PASD1: variants seen among roughly 807,000 people sequenced by gnomAD.
PASD1 encodes PAS domain containing repressor 1.
In PASD1, 13 loss-of-function variants were observed where a neutral mutation model predicts 58.8. The observed-to-expected ratio is 0.22, with a 90% CI of 0.14 to 0.35. The LOEUF (loss-of-function observed/expected upper bound fraction) is 0.35, where lower values mean the gene tolerates loss of function less well. Ranked by LOEUF, PASD1 falls within the 10% of genes least tolerant of loss-of-function variation. The pLI is 1.00. For synonymous variants in PASD1, 236 were observed against 216.7 expected (o/e 1.09, Z -0.78); for missense variants, 734 against 568.3 (o/e 1.29, Z -2.96).
At position 151,580,796 on chromosome X, in the gene PASD1, C is replaced by T. The variant is rs180812796; in HGVS notation, c.-28+16957C>T. Among the ~76,000 whole-genome samples the T allele has an allele frequency of 5.4e-5, 6 of 110,321 alleles. No homozygotes were observed. In the East Asian group the frequency reaches 1.7e-3, roughly 31 times the overall value. On this transcript the variant is annotated intron_variant, in intron 1 of 15. Transcript: ENST00000370357. ...ACTCTGGCTACCATAACCCTTTGTG[C>T]ATATATATCAAGGTAGTGAGTTTTT...
chrX:151,668,153 A>T (rs2014409906), intron 11 of PASD1, among the ~76,000 whole-genome samples: 1 of 110,948 alleles, frequency 9.0e-6, no homozygotes, highest in Admixed American at 9.6e-5. Flanking sequence ...TGTCATAGAT[A>T]GCTGTTATCA....
chrX:151,651,609 A>C (rs1004978906), intron 9 of PASD1, among the ~76,000 whole-genome samples: 1 of 112,241 alleles, frequency 8.9e-6, no homozygotes, highest in African/African-American at 3.2e-5. Flanking sequence ...TATACCTACT[A>C]TGGTAGGCAT....
At chrX:151,635,809 C>G (rs2013923740) in intron 8 of PASD1, among the ~76,000 whole-genome samples, 1 of 110,857 alleles carries the variant, frequency 9.0e-6, no homozygotes, top group African/African-American at 3.3e-5. Flanking sequence ...CAGTGTACAT[C>G]ATGGTGGCTA....
At chrX:151,672,744 A>G in intron 14 of PASD1, 83 bp downstream of exon 14, 3 of 1,154,673 alleles carry the variant, frequency 2.6e-6, no homozygotes, top group Non-Finnish European at 3.5e-6. Context: ...GATCACAGAC[A>G]GACGACCTAT....
At chrX:151,615,690 T>C (rs905232318) in intron 4 of PASD1, among the ~76,000 whole-genome samples, 7 of 111,994 alleles carry the variant, frequency 6.3e-5, no homozygotes, top group African/African-American at 2.3e-4. Flanking sequence ...TTTCATTACA[T>C]ATCAGGGCAC....
intron 9 of PASD1, among the ~76,000 whole-genome samples, chrX:151,650,835 A>G (rs2014119941): frequency 8.9e-6 from 1 of 111,776 alleles, no homozygotes; most frequent in Admixed American, 9.5e-5. Context: ...CACATTGCAG[A>G]GAGGGAGAAC....
At chrX:151,634,451 A>G (rs779523126) in intron 8 of PASD1, among the ~76,000 whole-genome samples, 1 of 111,594 alleles carries the variant, frequency 9.0e-6, no homozygotes, top group Non-Finnish European at 1.9e-5. Context: ...ATTATCATCT[A>G]TTCCACAGTC....
chrX:151,662,764 T>C (rs1233468268), intron 10 of PASD1, among the ~76,000 whole-genome samples: 1 of 112,371 alleles, frequency 8.9e-6, no homozygotes, highest in Non-Finnish European at 1.9e-5. Context: ...TCATTATCTA[T>C]GGTATATTTA....
At chrX:151,625,576 T>A (rs1483138056) in intron 8 of PASD1, 46 bp downstream of exon 8, 1 of 973,365 alleles carries the variant, frequency 1.0e-6, no homozygotes, top group Non-Finnish European at 1.4e-6. Context: ...AGAATTCAAT[T>A]TTACTAAACG....
intron 10 of PASD1, among the ~76,000 whole-genome samples, chrX:151,661,268 C>T (rs913411951): frequency 1.8e-5 from 2 of 111,904 alleles, no homozygotes; most frequent in Non-Finnish European, 3.8e-5. Flanking sequence ...ATCCAGAAAC[C>T]AGAATTTTTC....
intron 1 of PASD1, among the ~76,000 whole-genome samples, chrX:151,570,188 G>T (rs754994238): frequency 2.7e-5 from 3 of 111,283 alleles, no homozygotes; most frequent in African/African-American, 9.8e-5. Context: ...TTAGGATTCT[G>T]TTCCTCTTCT....
At position 151,672,653 on chromosome X, in the gene PASD1, G is replaced by C; in HGVS notation, c.1908G>C (p.Glu636Asp). Reference protein sequence around the residue: ...QDENCGQQEDESQSFYPEAYQ... With the variant: ...QDENCGQQEDDSQSFYPEAYQ... ...AAAACTGTGGGCAACAGGAAGATGA[G>C]AGTCAAAGGTAAGACATGCATGGAA... The change falls in exon 14 of 16, where the codon GAG (glutamate) becomes GAC (aspartate). Residue 636 changes from glutamate (E) to aspartate (D), a missense_variant. Transcript: ENST00000370357. The C allele has an allele frequency of 8.3e-7, 1 of 1,211,445 alleles. No homozygotes were observed. Among genetic ancestry groups the C allele is most frequent in the Non-Finnish European group, 1.1e-6 (1 of 895,274 alleles).
Position 151,659,774 on chromosome X carries a change from T to A in PASD1, c.779T>A (p.Val260Glu). The change falls in exon 10 of 16, where the codon GTA (valine) becomes GAA (glutamate). Residue 260 changes from valine (V) to glutamate (E), a missense_variant. Transcript: ENST00000370357. Reference protein sequence around the residue: ...YGPQENVHMFVDSDSTYCSST... With the variant: ...YGPQENVHMFEDSDSTYCSST... ...CCACAAGAAAACGTTCACATGTTTG[T>A]AGATTCTGATTCAACTTATTGCTCC... 2 of 1,202,484 alleles carry A rather than the reference T, an allele frequency of 1.7e-6. No individual in the cohort carries two copies. The highest frequency in any genetic ancestry group is 2.3e-6 in the Non-Finnish European group (2 of 887,073).
intron 2 of PASD1, 76 bp from the exon 3 acceptor site, chrX:151,604,570 C>A: frequency 2.8e-6 from 2 of 712,370 alleles, no homozygotes; most frequent in Non-Finnish European, 4.2e-6. Flanking sequence ...TTAAGTATAA[C>A]TTTGAAAAAT....
intron 3 of PASD1, 137 bp from the exon 4 acceptor site, chrX:151,611,527 C>G (rs1021598066): frequency 5.0e-6 from 2 of 399,493 alleles, no homozygotes; most frequent in Non-Finnish European, 8.4e-6. Context: ...TTAATTAAGT[C>G]TGTGCCTACT....
intron 8 of PASD1, among the ~76,000 whole-genome samples, chrX:151,647,521 TAATA>T (rs1039435457): frequency 6.4e-5 from 7 of 109,094 alleles, no homozygotes; most frequent in African/African-American, 2.3e-4. Context: ...CATAAAATAT[TAATA>T]AATATATTTA....
intron 1 of PASD1, among the ~76,000 whole-genome samples, chrX:151,593,558 C>T (rs1325477504): frequency 1.8e-5 from 2 of 110,555 alleles, no homozygotes; most frequent in Non-Finnish European, 3.8e-5. Context: ...TCCATGTCCC[C>T]GCAAAGGACA....
At chrX:151,565,186 T>C (rs73626777) in intron 1 of PASD1, among the ~76,000 whole-genome samples, 4,317 of 111,992 alleles carry the variant, frequency 0.039, 224 homozygotes, top group African/African-American at 0.13. Flanking sequence ...AGATTTGTTG[T>C]GCTTATTTCT....
At chrX:151,670,072 C>A (rs1354377372) in intron 11 of PASD1, among the ~76,000 whole-genome samples, 1 of 111,950 alleles carries the variant, frequency 8.9e-6, no homozygotes, top group African/African-American at 3.3e-5. Context: ...TTCTTAATTT[C>A]TCTCAAATGT....
Sources: allele counts gnomAD v4.1 joint callset (sites outside exome capture counted in the v4.1 genomes callset), GRCh38; gene constraint gnomAD v4.1.1; transcripts MANE v1.5; gene names NCBI Gene and HGNC (gene_info 2026-07-23, HGNC 2026-07-21).